The following GON4L variants were observed in gnomAD, a reference collection of about 807,000 sequenced individuals.
GON4L encodes the protein GON-4-like protein.
Under a neutral mutation model 211.8 loss-of-function variants are expected in GON4L, and 87 were observed. The ratio of observed to expected loss-of-function variants is 0.41; its 90% CI spans 0.35 to 0.49. The LOEUF is 0.49. GON4L is among the 20% of genes least tolerant of loss of function. The pLI, the probability that GON4L is intolerant of heterozygous loss-of-function variation, is 0.15. For missense variants in GON4L, 2,155 were observed against 2,659.5 expected (o/e 0.81, Z 4.17); for synonymous variants, 875 against 962.6 (o/e 0.91, Z 1.68).
chr1:155,851,884 G>A (rs1338765005), intron 2 of GON4L, among the ~76,000 whole-genome samples: 13 of 151,962 alleles, frequency 8.6e-5, no homozygotes, highest in African/African-American at 2.7e-4. Context: ...AGTCATCTTG[G>A]CAGGGCGTGG....
intron 2 of GON4L, among the ~76,000 whole-genome samples, chr1:155,828,764 C>T (rs886896450): frequency 3.4e-5 from 5 of 146,900 alleles, no homozygotes; most frequent in Non-Finnish European, 3.0e-5. Context: ...GCCGAGATCG[C>T]GCCACTGAAC....
At chr1:155,858,636 GTTTT>G (rs60054192), upstream of GON4L, among the ~76,000 whole-genome samples, 1 of 107,934 alleles carries the variant, frequency 9.3e-6, no homozygotes, top group African/African-American at 3.4e-5. Flanking sequence ...TTCATTAGTT[GTTTT>G]TTTTTTTTTT....
chr1:155,773,404 A>G (rs1158748362), intron 17 of GON4L, 194 bp from the exon 18 acceptor site: 1 of 605,484 alleles, frequency 1.7e-6, no homozygotes, highest in African/African-American at 1.9e-5. Flanking sequence ...GTCCCATTCA[A>G]TGGCAATAAA....
At chr1:155,751,480 T>A (rs1571602705) in intron 31 of GON4L, among the ~76,000 whole-genome samples, 1 of 151,984 alleles carries the variant, frequency 6.6e-6, no homozygotes, top group Non-Finnish European at 1.5e-5. Context: ...ACCTGGGAGG[T>A]GGAGGTTGTA....
At chr1:155,783,529 G>T (rs1273742908) in intron 14 of GON4L, among the ~76,000 whole-genome samples, 1 of 152,202 alleles carries the variant, frequency 6.6e-6, no homozygotes, top group East Asian at 1.9e-4. Context: ...AGGCAAAAAG[G>T]TCAGCACGTA....
upstream of GON4L, among the ~76,000 whole-genome samples, chr1:155,858,580 C>G (rs1007052313): frequency 6.7e-6 from 1 of 148,524 alleles, no homozygotes; most frequent in Non-Finnish European, 1.5e-5. Context: ...ACCCTAAGCA[C>G]TTGAGGTTCA....
intron 23 of GON4L, among the ~76,000 whole-genome samples, chr1:155,761,218 T>C (rs904024180): frequency 3.4e-5 from 5 of 149,092 alleles, no homozygotes; most frequent in Middle Eastern, 3.2e-3. Flanking sequence ...TCTCATTCTG[T>C]TGCCCAGGAT....
intron 11 of GON4L, among the ~76,000 whole-genome samples, chr1:155,800,339 C>T (rs1320554657): frequency 6.8e-6 from 1 of 148,144 alleles, no homozygotes. Context: ...GGGTGGACCA[C>T]TTGAGATCAG....
At chr1:155,769,994 C>A (rs938356529) in intron 19 of GON4L, among the ~76,000 whole-genome samples, 20 of 127,514 alleles carry the variant, frequency 1.6e-4, no homozygotes, top group African/African-American at 6.0e-4. Flanking sequence ...TCGAGACCAG[C>A]CTGGGCAATA....
chr1:155,806,923 G>T (rs1384629619), intron 10 of GON4L, among the ~76,000 whole-genome samples: 1 of 151,954 alleles, frequency 6.6e-6, no homozygotes, highest in South Asian at 2.1e-4. Context: ...AACACAGTGA[G>T]ACCTCATCTC....
At chr1:155,795,387 C>T (rs938728459) in intron 11 of GON4L, among the ~76,000 whole-genome samples, 6 of 152,140 alleles carry the variant, frequency 3.9e-5, no homozygotes, top group Non-Finnish European at 8.8e-5. Context: ...CCACCACACC[C>T]AGCTAATTTT....
At chr1:155,781,249 TCTC>T (rs1455413984) in intron 14 of GON4L, among the ~76,000 whole-genome samples, 15 of 151,784 alleles carry the variant, frequency 9.9e-5, no homozygotes, top group Admixed American at 9.9e-4. Context: ...TTCAAGCAAT[TCTC>T]CTTCCTCAGC....
Position 155,753,302 on chromosome 1 carries a change from T to A in GON4L, c.5744A>T (p.Asp1915Val). The change falls in exon 29 of 32, where the codon GAT becomes GTT. Residue 1915 changes from aspartate (D) to valine (V), a missense_variant. This residue lies in a region of GON4L where 455 missense variants were observed against 504.6 expected (regional missense o/e 0.90). Coordinates refer to ENST00000368331, the MANE Select transcript of GON4L (RefSeq NM_001282860.2). Reference protein sequence around the residue: ...PGAKEAGQGKDMMEEEAPEER... With the variant: ...PGAKEAGQGKVMMEEEAPEER... ...CTCTGGGGCTTCCTCTTCCATCATATCCTTGCCCTGCCCAGCTTCCTTAGC... is the reference window on the plus strand; with the variant it reads ...CTCTGGGGCTTCCTCTTCCATCATAACCTTGCCCTGCCCAGCTTCCTTAGC... 6.2e-7 allele frequency: 1 copy of A among 1,613,650 alleles called. No individual in the cohort carries two copies. The highest frequency in any genetic ancestry group is 1.7e-5 in the Admixed American group (1 of 59,976).
rs111957492 is a variant in GON4L at position 155,836,158 on chromosome 1, T to C, written c.506-9130A>G. 5.6e-3 allele frequency among the ~76,000 whole-genome samples: 858 copies of C among 152,076 alleles called. 7 individuals carry two copies. Among genetic ancestry groups the C allele is most frequent in the African/African-American group, 0.02 (811 of 41,490 alleles). ...TACTTGGGAGGCTGAGGCATGAGAA[T>C]TGCTTGAACCCAAAGACTGACTGGC... On this transcript the variant is annotated intron_variant, in intron 2 of 31. Transcript: ENST00000368331.
At chr1:155,774,463 C>T (rs372109900) in intron 17 of GON4L, among the ~76,000 whole-genome samples, 1 of 152,102 alleles carries the variant, frequency 6.6e-6, no homozygotes, top group African/African-American at 2.4e-5. Flanking sequence ...CGCGTGCCCC[C>T]ATGCCTGGCT....
intron 16 of GON4L, 25 bp downstream of exon 16, chr1:155,776,370 G>A (rs1663815456): frequency 7.0e-7 from 1 of 1,437,830 alleles, no homozygotes; most frequent in Non-Finnish European, 9.8e-7. Context: ...CTAGTCTTTA[G>A]AGTTATGGAT....
At chr1:155,841,620 T>C (rs1258900503) in intron 2 of GON4L, among the ~76,000 whole-genome samples, 1 of 152,222 alleles carries the variant, frequency 6.6e-6, no homozygotes, top group Non-Finnish European at 1.5e-5. Context: ...TATAAGTCAC[T>C]TGAATCTAAG....
Position 155,814,458 on chromosome 1 carries a change from T to C in GON4L, c.1162-9A>G, listed in dbSNP as rs929762157. On this transcript the variant is annotated splice_polypyrimidine_tract_variant and intron_variant, in intron 8 of 31. Coordinates refer to ENST00000368331, the MANE Select transcript of GON4L (RefSeq NM_001282860.2). ...TCACTTTCCAATAAGCTCTACAAAA[T>C]AAATCCAGTTCGCCTTAATATTTAT... 1.9e-6 allele frequency: 3 copies of C among 1,613,440 alleles called. No homozygotes were observed. Among genetic ancestry groups the C allele is most frequent in the Non-Finnish European group, 2.5e-6 (3 of 1,179,524 alleles).
rs1422089600 is a variant in GON4L at position 155,785,385 on chromosome 1, G to A, written c.1748-11C>T. The A allele has an allele frequency of 1.3e-6, 2 of 1,575,618 alleles. No homozygotes were observed. Among genetic ancestry groups the A allele is most frequent in the Non-Finnish European group, 1.7e-6 (2 of 1,144,962 alleles). On this transcript the variant is annotated splice_polypyrimidine_tract_variant and intron_variant, in intron 12 of 31. Transcript: ENST00000368331. Reference sequence around the variant, plus strand: ...CATTTACTTCCTTTTCTGCAAGAAAGCCAGACAGTATATTGTTGGTATAAA... The same window carrying A: ...CATTTACTTCCTTTTCTGCAAGAAAACCAGACAGTATATTGTTGGTATAAA...
Sources: allele counts gnomAD v4.1 joint callset (sites outside exome capture counted in the v4.1 genomes callset), GRCh38; gene constraint gnomAD v4.1.1; regional missense constraint gnomAD v4.1.1; transcripts MANE v1.5; gene names NCBI Gene and HGNC (gene_info 2026-07-23, HGNC 2026-07-21).